The following PLXDC2 variants were observed in gnomAD, a reference collection of about 807,000 sequenced individuals.
PLXDC2 encodes plexin domain-containing protein 2.
In PLXDC2, 40 loss-of-function variants were observed where a neutral mutation model predicts 68.9. The observed-to-expected ratio is 0.58, with a 90% CI of 0.45 to 0.76. PLXDC2 has a LOEUF of 0.76. PLXDC2 is among the 30% of genes least tolerant of loss of function. The pLI is 0.00. For synonymous variants in PLXDC2, 243 were observed against 234.2 expected, an observed-to-expected ratio of 1.04 and a Z score of -0.34; for missense variants, 644 against 661.9, an observed-to-expected ratio of 0.97 and a Z score of 0.30.
intron 9 of PLXDC2, among the ~76,000 whole-genome samples, chr10:20,181,350 A>G (rs1834600811): frequency 6.6e-6 from 1 of 152,040 alleles, no homozygotes; most frequent in African/African-American, 2.4e-5. Context: ...TTAGAGCTAT[A>G]ATCAAGTTTT....
chr10:20,231,017 T>G (rs1466787934), intron 12 of PLXDC2, among the ~76,000 whole-genome samples: 1 of 151,674 alleles, frequency 6.6e-6, no homozygotes, highest in African/African-American at 2.4e-5. Context: ...AAGTAGATCT[T>G]AAATGTTCTC....
intron 1 of PLXDC2, among the ~76,000 whole-genome samples, chr10:19,992,749 A>G (rs1227585332): frequency 6.6e-6 from 1 of 152,194 alleles, no homozygotes; most frequent in African/African-American, 2.4e-5. Context: ...TTTTACCTTA[A>G]CAGCATTTCA....
intron 9 of PLXDC2, among the ~76,000 whole-genome samples, chr10:20,186,966 A>G (rs1834694005): frequency 1.3e-5 from 2 of 151,898 alleles, no homozygotes; most frequent in South Asian, 2.1e-4. Context: ...GGTGTATTCT[A>G]TAGTAAGTGT....
At chr10:19,919,825 T>C (rs937197759) in intron 1 of PLXDC2, among the ~76,000 whole-genome samples, 1 of 152,240 alleles carries the variant, frequency 6.6e-6, no homozygotes, top group African/African-American at 2.4e-5. Context: ...TTGTAAAAGT[T>C]ACTATGTTTA....
intron 13 of PLXDC2, among the ~76,000 whole-genome samples, chr10:20,279,141 A>G (rs1481201284): frequency 2.6e-5 from 4 of 152,256 alleles, no homozygotes; most frequent in African/African-American, 9.6e-5. Context: ...CAAAGAAATC[A>G]TAGATGGGTA....
At chr10:19,906,096 A>G (rs1243375919) in intron 1 of PLXDC2, among the ~76,000 whole-genome samples, 1 of 152,208 alleles carries the variant, frequency 6.6e-6, no homozygotes, top group Admixed American at 6.5e-5. Context: ...CATGTTAGAC[A>G]GTAATGAGTG....
At chr10:20,171,325 A>C (rs529828935) in intron 7 of PLXDC2, among the ~76,000 whole-genome samples, 39 of 152,310 alleles carry the variant, frequency 2.6e-4, no homozygotes, top group African/African-American at 8.7e-4. Context: ...ACTTTTGCTC[A>C]CCTCAAAATG....
rs1836094042 is a variant in PLXDC2, at chr10:20,282,450, A to G, written c.*2631A>G. The stretch of plus-strand genomic sequence containing the variant: ...TACTATGAACATAATAGAATAACAA[A>G]AAAAGATAACAAAGAGATGCAAACT... On this transcript the variant is annotated 3_prime_UTR_variant, in exon 14 of 14. Coordinates refer to ENST00000377252, the MANE Select transcript of PLXDC2 (RefSeq NM_032812.9). The G allele has an allele frequency of 6.6e-6, 1 of 152,232 alleles. No homozygotes were observed. 9.4% of individuals were successfully genotyped at this position (152,232 alleles called of 1,614,324 possible).
intron 1 of PLXDC2, among the ~76,000 whole-genome samples, chr10:19,988,890 C>CG: frequency 7.0e-6 from 1 of 143,356 alleles, no homozygotes; most frequent in Middle Eastern, 3.9e-3. Flanking sequence ...CCGCCTCCCC[C>CG]GTTCAGGAGA....
intron 4 of PLXDC2, among the ~76,000 whole-genome samples, chr10:20,078,222 A>G (rs1375928361): frequency 6.6e-6 from 1 of 152,162 alleles, no homozygotes; most frequent in African/African-American, 2.4e-5. Context: ...TTCAGAAAAA[A>G]AAAATTAAAA....
At chr10:19,987,819 T>C (rs1180592762) in intron 1 of PLXDC2, among the ~76,000 whole-genome samples, 2 of 152,136 alleles carry the variant, frequency 1.3e-5, no homozygotes, top group African/African-American at 2.4e-5. Flanking sequence ...CCTCCCGCCT[T>C]GACCTCCCAA....
At chr10:20,050,010 G>A (rs978857709) in intron 3 of PLXDC2, among the ~76,000 whole-genome samples, 3 of 152,100 alleles carry the variant, frequency 2.0e-5, no homozygotes, top group Non-Finnish European at 1.5e-5. Flanking sequence ...TACAAAAACA[G>A]TCACACAGAC....
chr10:20,133,226 AAAAGTGAGTT>A (rs1253889886), intron 4 of PLXDC2, among the ~76,000 whole-genome samples: 38 of 152,220 alleles, frequency 2.5e-4, no homozygotes, highest in Admixed American at 2.6e-4. Context: ...TACTAGAGTT[AAAAGTGAGTT>A]GTGGAGCACT....
chr10:20,025,794 C>T (rs1053464027), intron 2 of PLXDC2, among the ~76,000 whole-genome samples: 1 of 151,886 alleles, frequency 6.6e-6, no homozygotes, highest in African/African-American at 2.4e-5. Context: ...ATATGAGACC[C>T]AAGGATAACT....
intron 1 of PLXDC2, among the ~76,000 whole-genome samples, chr10:19,851,802 C>T (rs1837122450): frequency 6.6e-6 from 1 of 152,200 alleles, no homozygotes; most frequent in Admixed American, 6.5e-5. Flanking sequence ...CCCTCCTTGG[C>T]CTCCCAAAGT....
intron 11 of PLXDC2, among the ~76,000 whole-genome samples, chr10:20,218,750 C>A (rs4400697): frequency 1.3e-5 from 2 of 151,838 alleles, no homozygotes; most frequent in African/African-American, 4.8e-5. Flanking sequence ...GTTCTAATTA[C>A]AATAAGTGAT....
At chr10:19,996,826 G>A (rs1589576688) in intron 1 of PLXDC2, among the ~76,000 whole-genome samples, 1 of 152,240 alleles carries the variant, frequency 6.6e-6, no homozygotes, top group African/African-American at 2.4e-5. Flanking sequence ...AGGGCAACAG[G>A]CAAAGAGAGA....
chr10:20,031,185 T>C (rs1032476965), intron 2 of PLXDC2, among the ~76,000 whole-genome samples: 4 of 151,952 alleles, frequency 2.6e-5, no homozygotes, highest in African/African-American at 9.7e-5. Context: ...CTGGGCAACA[T>C]AGTGAGGCCC....
intron 1 of PLXDC2, among the ~76,000 whole-genome samples, chr10:19,871,226 G>A (rs1427799055): frequency 1.3e-5 from 2 of 152,126 alleles, no homozygotes; most frequent in Non-Finnish European, 2.9e-5. Flanking sequence ...AAAGAATTAG[G>A]ACCTCATGAA....
Sources: allele counts gnomAD v4.1 joint callset (sites outside exome capture counted in the v4.1 genomes callset), GRCh38; gene constraint gnomAD v4.1.1; transcripts MANE v1.5; gene names NCBI Gene and HGNC (gene_info 2026-07-23, HGNC 2026-07-21).